The following RPTOR variants were observed in gnomAD, a reference collection of about 807,000 sequenced individuals.
RPTOR encodes the protein regulatory associated protein of MTOR complex 1.
A neutral mutation model predicts 169.9 loss-of-function variants in RPTOR; 21 were observed. The observed-to-expected ratio is 0.12, with a 90% CI of 0.09 to 0.18. The LOEUF (loss-of-function observed/expected upper bound fraction) is 0.18. Among genes scored for constraint, RPTOR ranks in the 10% least tolerant of loss-of-function variants. The pLI is 1.00. For synonymous variants in RPTOR, 732 were observed against 753.2 expected, an observed-to-expected ratio of 0.97 and a Z score of 0.46; for missense variants, 1,133 against 1,855.9, an observed-to-expected ratio of 0.61 and a Z score of 7.16.
At chr17:80,751,034 G>A (rs989182259) in intron 5 of RPTOR, among the ~76,000 whole-genome samples, 3 of 152,144 alleles carry the variant, frequency 2.0e-5, no homozygotes, top group Non-Finnish European at 4.4e-5. Context: ...TCCTGTGGTA[G>A]AATGGGTTAT....
At chr17:80,560,839 GC>G (rs1422207394) in intron 1 of RPTOR, among the ~76,000 whole-genome samples, 1 of 152,094 alleles carries the variant, frequency 6.6e-6, no homozygotes, top group Non-Finnish European at 1.5e-5. Flanking sequence ...TCACTGCTGA[GC>G]CCGAGGCTGT....
At position 80,634,874 on chromosome 17, in the gene RPTOR, TG is replaced by T. The variant is rs1599622162; in HGVS notation, c.266-8853del. Among the ~76,000 whole-genome samples the T allele has an allele frequency of 6.6e-5, 5 of 75,816 alleles. No homozygotes were observed. In the East Asian group the frequency reaches 1.1e-3, roughly 16 times the overall value. The allele number at this position is 75,816 out of a possible 152,430, so 49.7% of individuals were successfully genotyped here. On this transcript the variant is annotated intron_variant, in intron 2 of 33. Coordinates refer to ENST00000306801, the MANE Select transcript of RPTOR (RefSeq NM_020761.3). ...GTGCATACCGTGTGTGTGTGCATACTGTGTGCATACTTTGTGTGTGCATAGT... is the reference window on the plus strand; with the variant it reads ...GTGCATACCGTGTGTGTGTGCATACTTGTGCATACTTTGTGTGTGCATAGT...
chr17:80,763,323 C>T (rs368298074), intron 6 of RPTOR, among the ~76,000 whole-genome samples: 2 of 152,024 alleles, frequency 1.3e-5, no homozygotes, highest in Admixed American at 6.6e-5. Context: ...AAGAGAAATA[C>T]GAGCTAAAAG....
chr17:80,599,207 G>A (rs1365006346), intron 1 of RPTOR, among the ~76,000 whole-genome samples: 2 of 152,176 alleles, frequency 1.3e-5, no homozygotes, highest in Non-Finnish European at 2.9e-5. Context: ...CTGCTGGGGC[G>A]TGTGCTGTGA....
At chr17:80,637,443 C>T (rs1263584397) in intron 2 of RPTOR, among the ~76,000 whole-genome samples, 1 of 152,246 alleles carries the variant, frequency 6.6e-6, no homozygotes, top group Non-Finnish European at 1.5e-5. Context: ...TTTTCCCACC[C>T]CTGCTCCGCC....
chr17:80,626,340 A>C (rs1308937620), intron 2 of RPTOR, among the ~76,000 whole-genome samples: 1 of 51,516 alleles, frequency 1.9e-5, no homozygotes, highest in Non-Finnish European at 3.8e-5. Flanking sequence ...CCAATTTTCT[A>C]CTTTATTACA....
At chr17:80,564,003 TTGGG>T (rs1185578168) in intron 1 of RPTOR, among the ~76,000 whole-genome samples, 2 of 152,174 alleles carry the variant, frequency 1.3e-5, no homozygotes, top group African/African-American at 4.8e-5. Context: ...TGATGGACAT[TTGGG>T]TGGTTTCCAG....
rs1426569153 is a variant in RPTOR at position 80,931,614 on chromosome 17, G to A, written c.2919+6134G>A. ...CTGATGAAAGACAGCAAACCCTGTC[G>A]CCCCCAGAGCACAGGCGAAGACCCA... On this transcript the variant is annotated intron_variant, in intron 24 of 33. Transcript: ENST00000306801. 7.9e-5 allele frequency among the ~76,000 whole-genome samples: 12 copies of A among 151,496 alleles called. No individual in the cohort carries two copies. The South Asian group carries it at 8.3e-4, about 10-fold the overall frequency.
chr17:80,846,681 G>A, intron 11 of RPTOR, 107 bp downstream of exon 11: 3 of 885,676 alleles, frequency 3.4e-6, no homozygotes, highest in Non-Finnish European at 5.4e-6. Context: ...CTGTGGGTCT[G>A]TGACATCCCA....
At chr17:80,932,997 A>G (rs553294003) in intron 24 of RPTOR, among the ~76,000 whole-genome samples, 4 of 152,216 alleles carry the variant, frequency 2.6e-5, no homozygotes, top group Admixed American at 6.5e-5. Flanking sequence ...GTCCAGTAAT[A>G]TCTTTAAAGT....
chr17:80,930,452 C>T (rs201458174), intron 24 of RPTOR, among the ~76,000 whole-genome samples: 1 of 147,772 alleles, frequency 6.8e-6, no homozygotes, highest in African/African-American at 2.5e-5. Context: ...TCATCCTCAG[C>T]TCATCCCCAG....
intron 2 of RPTOR, among the ~76,000 whole-genome samples, chr17:80,628,240 T>C (rs2065411668): frequency 6.6e-6 from 1 of 152,244 alleles, no homozygotes; most frequent in Non-Finnish European, 1.5e-5. Context: ...TTTATTGTTT[T>C]GAGGACCATT....
chr17:80,632,972 A>T (rs999517470), intron 2 of RPTOR, among the ~76,000 whole-genome samples: 5 of 151,710 alleles, frequency 3.3e-5, no homozygotes, highest in African/African-American at 1.2e-4. Flanking sequence ...CGCTTTTAAA[A>T]TTTTTTATGG....
rs1017757035 is a variant in RPTOR, at chr17:80,878,568, G to A, written c.1510-1847G>A. On this transcript the variant is annotated intron_variant, in intron 13 of 33. Coordinates refer to ENST00000306801, the MANE Select transcript of RPTOR (RefSeq NM_020761.3). This position sits in a 1 kb window ranked among gnomAD's most constrained non-coding sequence, Gnocchi z 4.1. ...TCACCATATTGGCCAGGCTGGTCTCGAACTCCTGACCTTGTGACCCGCCTG... is the reference window on the plus strand; with the variant it reads ...TCACCATATTGGCCAGGCTGGTCTCAAACTCCTGACCTTGTGACCCGCCTG... Among the ~76,000 whole-genome samples the A allele has an allele frequency of 5.7e-4, 86 of 151,892 alleles. No individual in the cohort carries two copies. The highest frequency in any genetic ancestry group is 1.9e-3 in the African/African-American group (80 of 41,326).
chr17:80,865,034 A>T (rs1247461523), intron 13 of RPTOR, among the ~76,000 whole-genome samples: 1 of 152,264 alleles, frequency 6.6e-6, no homozygotes, highest in Admixed American at 6.5e-5. Context: ...TGCTAACAGT[A>T]ACAAAAAGAT....
At chr17:80,814,324 C>T (rs1372089675) in intron 7 of RPTOR, among the ~76,000 whole-genome samples, 1 of 152,106 alleles carries the variant, frequency 6.6e-6, no homozygotes, top group Non-Finnish European at 1.5e-5. Context: ...CCATTTTCTC[C>T]AGCATGCCGG....
intron 1 of RPTOR, among the ~76,000 whole-genome samples, chr17:80,610,625 G>T (rs966266882): frequency 6.6e-6 from 1 of 152,162 alleles, no homozygotes; most frequent in Admixed American, 6.5e-5. Context: ...CTGAGTGGGA[G>T]TGAATGGGAA....
In RPTOR at chr17:80,726,912, C is replaced by T. The variant is rs1208994079; in HGVS notation, c.508-3648C>T. Among the ~76,000 whole-genome samples, 1 of 152,130 alleles carries T rather than the reference C, an allele frequency of 6.6e-6. No homozygotes were observed. The highest frequency in any genetic ancestry group is 1.9e-4 in the East Asian group (1 of 5,188). On this transcript the variant is annotated intron_variant, in intron 4 of 33. Coordinates refer to ENST00000306801, the MANE Select transcript of RPTOR (RefSeq NM_020761.3). This position sits in a 1 kb window ranked among gnomAD's most constrained non-coding sequence, Gnocchi z 4.5. ...TGGCCCTTCTTTCCCTTGGCAGCAG[C>T]ATGGAAGTGGGTGGGGGAGGAGAGG...
At chr17:80,631,477 CTGCGCTCTTCAAAGA>C (rs766371774) in intron 2 of RPTOR, among the ~76,000 whole-genome samples, 12 of 152,270 alleles carry the variant, frequency 7.9e-5, no homozygotes, top group Non-Finnish European at 1.6e-4. Flanking sequence ...TTGTGCAGAC[CTGCGCTCTTCAAAGA>C]TGGGCTGTGC....
Sources: gnomAD v4.1 joint callset for allele counts (sites outside exome capture counted in the v4.1 genomes callset) on GRCh38, gnomAD v4.1.1 for gene constraint, Gnocchi (gnomAD v3.1) non-coding constraint, MANE v1.5 for transcripts, NCBI Gene and HGNC (gene_info 2026-07-23, HGNC 2026-07-21) for gene names.